NUDCD3: variants seen among roughly 807,000 people sequenced by gnomAD.
The protein encoded by NUDCD3 is NudC domain containing 3.
In NUDCD3, 13 loss-of-function variants were observed where a neutral mutation model predicts 39.7. That is an observed-to-expected ratio of 0.33 (90% CI 0.21 to 0.52). The LOEUF is 0.52. NUDCD3 is among the 20% of genes least tolerant of loss of function. The pLI is 0.96. For missense variants in NUDCD3, 453 were observed against 458.1 expected, an observed-to-expected ratio of 0.99 and a Z score of 0.10; for synonymous variants, 175 against 172.4, an observed-to-expected ratio of 1.02 and a Z score of -0.12.
intron 3 of NUDCD3, among the ~76,000 whole-genome samples, chr7:44,416,566 T>C (rs1485209300): frequency 6.6e-6 from 1 of 151,840 alleles, no homozygotes; most frequent in African/African-American, 2.4e-5. Flanking sequence ...AAAATACTAT[T>C]GAAGGAGAAA....
rs919959761 is a variant in NUDCD3 at position 44,383,809 on chromosome 7, A to T, written c.*2202T>A. 2 of 152,304 alleles carry T rather than the reference A, an allele frequency of 1.3e-5. No individual in the cohort carries two copies. The highest frequency in any genetic ancestry group is 2.9e-5 in the Non-Finnish European group (2 of 68,102). 9.4% of individuals were successfully genotyped at this position (152,304 alleles called of 1,614,324 possible). On this transcript the variant is annotated 3_prime_UTR_variant, in exon 6 of 6. Transcript: ENST00000355451. ...CCAGCTCTGGAGACTGGGCCAGTCC[A>T]GGGTGGTGGCTCAGGGCAGAGAATC...
chr7:44,466,099 G>A (rs892388011), intron 2 of NUDCD3, among the ~76,000 whole-genome samples: 4 of 152,132 alleles, frequency 2.6e-5, no homozygotes, highest in African/African-American at 9.7e-5. Flanking sequence ...CTTGCTGCCA[G>A]GAGCCAGCAC....
At chr7:44,460,359 T>A (rs1799982551) in intron 2 of NUDCD3, among the ~76,000 whole-genome samples, 1 of 152,194 alleles carries the variant, frequency 6.6e-6, no homozygotes, top group Non-Finnish European at 1.5e-5. Context: ...CATAACTGTT[T>A]AACTAAAATT....
rs889566141 is a variant in NUDCD3, at chr7:44,490,517, G to T, written c.84C>A (p.Arg28=). 1 of 1,611,810 alleles carries T rather than the reference G, an allele frequency of 6.2e-7. No homozygotes were observed. The highest frequency in any genetic ancestry group is 8.5e-7 in the Non-Finnish European group (1 of 1,179,158). Reference sequence around the variant, plus strand: ...TGCGGTAGAGGAAGCCAAAGAGAACGCGCAGGAAATCCTGGACGTTGCCCA... The same window carrying T: ...TGCGGTAGAGGAAGCCAAAGAGAACTCGCAGGAAATCCTGGACGTTGCCCA... ...QHVGNVQDFL[R]VLFGFLYRKT... is the part of the protein sequence containing the mutation. Residue 28 remains arginine, a synonymous_variant, in exon 1 of 6, where the codon CGC becomes CGA. Coordinates refer to ENST00000355451, the MANE Select transcript of NUDCD3 (RefSeq NM_015332.4).
At position 44,457,863 on chromosome 7, in the gene NUDCD3, T is replaced by C. The variant is rs76459424; in HGVS notation, c.509+27105A>G. Among the ~76,000 whole-genome samples, 1,228 of 152,290 alleles carry C rather than the reference T, an allele frequency of 8.1e-3. 11 individuals are homozygous for C. Among genetic ancestry groups the C allele is most frequent in the African/African-American group, 0.027 (1,139 of 41,560 alleles). On this transcript the variant is annotated intron_variant, in intron 2 of 5. Coordinates refer to ENST00000355451, the MANE Select transcript of NUDCD3 (RefSeq NM_015332.4). ...AAGTTTTGGCAAGGATGTGAAGGAA[T>C]TGGAATCCCCATAGATTGCTGGTGT... is the stretch of plus-strand genomic sequence containing the variant.
intron 2 of NUDCD3, among the ~76,000 whole-genome samples, chr7:44,439,388 T>C (rs894732672): frequency 1.3e-5 from 2 of 152,130 alleles, no homozygotes; most frequent in East Asian, 1.9e-4. Context: ...CACACATCCA[T>C]GTCCTGGCTT....
At chr7:44,444,608 T>G (rs1359913013) in intron 2 of NUDCD3, among the ~76,000 whole-genome samples, 1 of 152,188 alleles carries the variant, frequency 6.6e-6, no homozygotes. Flanking sequence ...AATTGAATAC[T>G]TACATAACAC....
At chr7:44,411,459 T>C (rs574609369) in intron 3 of NUDCD3, among the ~76,000 whole-genome samples, 2 of 152,270 alleles carry the variant, frequency 1.3e-5, no homozygotes, top group Admixed American at 6.5e-5. Flanking sequence ...AATTAAAACA[T>C]GCATATGGAC....
chr7:44,402,586 G>A, intron 4 of NUDCD3: 1 of 455,032 alleles, frequency 2.2e-6, no homozygotes, highest in Non-Finnish European at 4.4e-6. Context: ...TAAGGCTTTG[G>A]GCTTCTGCAT....
At chr7:44,397,013 A>G (rs922738481) in intron 4 of NUDCD3, among the ~76,000 whole-genome samples, 2 of 152,166 alleles carry the variant, frequency 1.3e-5, no homozygotes, top group African/African-American at 2.4e-5. Flanking sequence ...TAGTATGCAC[A>G]TAGTAAAAAT....
At chr7:44,397,719 T>G (rs1798649713) in intron 4 of NUDCD3, among the ~76,000 whole-genome samples, 1 of 152,224 alleles carries the variant, frequency 6.6e-6, no homozygotes, top group Admixed American at 6.5e-5. Flanking sequence ...TCACTCTATA[T>G]GTATGCTGTA....
At chr7:44,454,400 T>C (rs889704086) in intron 2 of NUDCD3, among the ~76,000 whole-genome samples, 1 of 152,206 alleles carries the variant, frequency 6.6e-6, no homozygotes, top group Non-Finnish European at 1.5e-5. Flanking sequence ...AGCACAAGAA[T>C]AGAATGATCT....
chr7:44,476,225 A>G (rs1252159840), intron 2 of NUDCD3, among the ~76,000 whole-genome samples: 11 of 152,226 alleles, frequency 7.2e-5, no homozygotes, highest in Admixed American at 7.2e-4. Context: ...TCAGGCCTGA[A>G]GCACAGGCAC....
intron 2 of NUDCD3, chr7:44,484,679 A>G (rs956118964): frequency 1.2e-4 from 39 of 324,396 alleles, no homozygotes; most frequent in African/African-American, 6.9e-4. Flanking sequence ...CTCTAAACAC[A>G]GATAAAGTTA....
intron 2 of NUDCD3, among the ~76,000 whole-genome samples, chr7:44,479,013 A>C (rs1800436237): frequency 6.6e-6 from 1 of 152,352 alleles, no homozygotes; most frequent in East Asian, 1.9e-4. Flanking sequence ...CAGAAGGGGA[A>C]GTAAACACAT....
chr7:44,435,258 G>A (rs1799442508), intron 2 of NUDCD3, among the ~76,000 whole-genome samples: 1 of 152,186 alleles, frequency 6.6e-6, no homozygotes, highest in Admixed American at 6.5e-5. Context: ...CAAGAGGAGA[G>A]CCAGAGTTCC....
intron 2 of NUDCD3, among the ~76,000 whole-genome samples, chr7:44,461,603 C>T (rs187650824): frequency 2.0e-5 from 3 of 152,136 alleles, no homozygotes; most frequent in Admixed American, 2.0e-4. Flanking sequence ...CTGACCTATA[C>T]CATTGAAAGT....
chr7:44,386,236 T>G, intron 5 of NUDCD3, 115 bp from the exon 6 acceptor site: 1 of 1,156,368 alleles, frequency 8.6e-7, no homozygotes, highest in Non-Finnish European at 1.2e-6. Context: ...GCTCAGGCAC[T>G]TGCCTGGCAA....
intron 2 of NUDCD3, among the ~76,000 whole-genome samples, chr7:44,429,847 A>T (rs1799318838): frequency 6.6e-6 from 1 of 152,234 alleles, no homozygotes; most frequent in South Asian, 2.1e-4. Flanking sequence ...AATGCTCAAT[A>T]GGTTGAAAAT....
Sources: allele counts gnomAD v4.1 joint callset (sites outside exome capture counted in the v4.1 genomes callset), GRCh38; gene constraint gnomAD v4.1.1; transcripts MANE v1.5; gene names NCBI Gene and HGNC (gene_info 2026-07-23, HGNC 2026-07-21).